The following HS3ST5 variants were observed in gnomAD, a reference collection of about 807,000 sequenced individuals.
The protein encoded by HS3ST5 is heparan sulfate-glucosamine 3-sulfotransferase 5.
A neutral mutation model predicts 25.4 loss-of-function variants in HS3ST5; 10 were observed. That is an observed-to-expected ratio of 0.39 (90% CI 0.24 to 0.67). HS3ST5 has a LOEUF of 0.67. HS3ST5 is among the 30% of genes least tolerant of loss of function. The pLI is 0.44. For missense variants in HS3ST5, 324 were observed against 420.7 expected, an observed-to-expected ratio of 0.77 and a Z score of 2.01; for synonymous variants, 170 against 162.4, an observed-to-expected ratio of 1.05 and a Z score of -0.36.
At chr6:114,281,093 A>G (rs553588120) in intron 1 of HS3ST5, among the ~76,000 whole-genome samples, 1 of 152,140 alleles carries the variant, frequency 6.6e-6, no homozygotes, top group Admixed American at 6.6e-5. Flanking sequence ...AATTCAGAAT[A>G]AGAAGATATA....
chr6:114,127,851 T>TAGAG (rs1181762566), intron 3 of HS3ST5, among the ~76,000 whole-genome samples: 6 of 148,940 alleles, frequency 4.0e-5, no homozygotes, highest in African/African-American at 9.9e-5. Flanking sequence ...TATATATATA[T>TAGAG]ATATAGAGAG....
At chr6:114,288,138 T>C (rs1774417544) in intron 1 of HS3ST5, among the ~76,000 whole-genome samples, 1 of 152,104 alleles carries the variant, frequency 6.6e-6, no homozygotes, top group Non-Finnish European at 1.5e-5. Context: ...ATTAATCCAT[T>C]AGGACTATGC....
At chr6:114,062,048 A>G (rs1000958150) in intron 4 of HS3ST5, among the ~76,000 whole-genome samples, 1 of 152,158 alleles carries the variant, frequency 6.6e-6, no homozygotes, top group African/African-American at 2.4e-5. Context: ...CACACCAGAA[A>G]CATTTACTGT....
At position 114,063,816 on chromosome 6, in the gene HS3ST5, T is replaced by G. The variant is rs567198458; in HGVS notation, c.-32-939A>C. On this transcript the variant is annotated intron_variant, in intron 3 of 4. Transcript: ENST00000312719. Reference sequence around the variant, plus strand: ...TCCCTCCATGTCCTCTGCTCAGTCCTGGGTTCTGAAACATGTTCGGACTAG... The same window carrying G: ...TCCCTCCATGTCCTCTGCTCAGTCCGGGGTTCTGAAACATGTTCGGACTAG... Among the ~76,000 whole-genome samples, 6 of 152,308 alleles carry G rather than the reference T, an allele frequency of 3.9e-5. No homozygotes were observed. The East Asian group carries it at 1.2e-3, about 29-fold the overall frequency.
chr6:114,074,378 C>G (rs1047545569), intron 3 of HS3ST5, among the ~76,000 whole-genome samples: 1 of 152,074 alleles, frequency 6.6e-6, no homozygotes, highest in Non-Finnish European at 1.5e-5. Context: ...ACCCCACTCC[C>G]CAAGAGCTAG....
At chr6:114,268,657 C>A (rs1773512262) in intron 1 of HS3ST5, among the ~76,000 whole-genome samples, 1 of 152,180 alleles carries the variant, frequency 6.6e-6, no homozygotes, top group Non-Finnish European at 1.5e-5. Context: ...CTCGTCATTT[C>A]TTTGTATAAC....
At chr6:114,213,690 T>C in intron 2 of HS3ST5, among the ~76,000 whole-genome samples, 1 of 152,036 alleles carries the variant, frequency 6.6e-6, no homozygotes, top group East Asian at 1.9e-4. Context: ...TCATCCATAG[T>C]CTCCTAGAGG....
intron 2 of HS3ST5, among the ~76,000 whole-genome samples, chr6:114,198,669 T>A (rs1441615979): frequency 6.6e-6 from 1 of 152,216 alleles, no homozygotes; most frequent in Non-Finnish European, 1.5e-5. Context: ...AATGTACAAT[T>A]AAATAAACTA....
chr6:114,149,642 A>G (rs1778356751), intron 3 of HS3ST5, among the ~76,000 whole-genome samples: 1 of 152,072 alleles, frequency 6.6e-6, no homozygotes, highest in African/African-American at 2.4e-5. Context: ...TGGGGCTTAA[A>G]ACTTAGATGG....
At chr6:114,335,147 C>A (rs1776557319) in intron 1 of HS3ST5, among the ~76,000 whole-genome samples, 2 of 152,142 alleles carry the variant, frequency 1.3e-5, no homozygotes, top group African/African-American at 4.8e-5. Context: ...ATGGCTCCAC[C>A]CCTTTAGCTC....
chr6:114,139,935 A>G (rs1289741068), intron 3 of HS3ST5, among the ~76,000 whole-genome samples: 1 of 152,384 alleles, frequency 6.6e-6, no homozygotes, highest in South Asian at 2.1e-4. Context: ...GGTATCAGAC[A>G]TGTAAACATT....
chr6:114,236,153 A>G (rs1197083626), intron 1 of HS3ST5, among the ~76,000 whole-genome samples: 2 of 151,976 alleles, frequency 1.3e-5, no homozygotes, highest in Non-Finnish European at 2.9e-5. Flanking sequence ...GATCTTCCTC[A>G]CTCTGTGGTC....
At chr6:114,178,991 A>C (rs1194467215) in intron 2 of HS3ST5, 1 of 152,210 alleles carries the variant, frequency 6.6e-6, no homozygotes, top group African/African-American at 2.4e-5. Context: ...GCTATTTGAC[A>C]GCATACATTT....
intron 1 of HS3ST5, among the ~76,000 whole-genome samples, chr6:114,320,671 G>A (rs1775929016): frequency 6.6e-6 from 1 of 151,914 alleles, no homozygotes; most frequent in African/African-American, 2.4e-5. Flanking sequence ...GGAAGCTCTG[G>A]CCAGGTAGAG....
chr6:114,272,432 A>T (rs1013861313), intron 1 of HS3ST5, among the ~76,000 whole-genome samples: 3 of 152,152 alleles, frequency 2.0e-5, no homozygotes, highest in African/African-American at 7.2e-5. Flanking sequence ...GAATCTTGAC[A>T]CACATGTTTT....
At chr6:114,060,012 C>A (rs1200115284) in intron 4 of HS3ST5, among the ~76,000 whole-genome samples, 1 of 141,362 alleles carries the variant, frequency 7.1e-6, no homozygotes, top group East Asian at 1.9e-4. Context: ...ATATAGACAA[C>A]TTTTTTTTCT....
At chr6:114,313,843 T>C (rs921032089) in intron 1 of HS3ST5, among the ~76,000 whole-genome samples, 2 of 152,186 alleles carry the variant, frequency 1.3e-5, no homozygotes, top group Non-Finnish European at 2.9e-5. Flanking sequence ...TGCTTGGATA[T>C]GAGAATTAGA....
chr6:114,332,911 G>A (rs1206213252), intron 1 of HS3ST5, among the ~76,000 whole-genome samples: 1 of 152,098 alleles, frequency 6.6e-6, no homozygotes, highest in African/African-American at 2.4e-5. Context: ...TCACCCAATT[G>A]TAAGGACCTT....
intron 2 of HS3ST5, among the ~76,000 whole-genome samples, chr6:114,182,555 G>A (rs1326998482): frequency 2.0e-5 from 3 of 152,138 alleles, no homozygotes; most frequent in Non-Finnish European, 4.4e-5. Context: ...GAAGATTAGA[G>A]CACTGAAGAC....
Sources: gnomAD v4.1 joint callset for allele counts (sites outside exome capture counted in the v4.1 genomes callset) on GRCh38, gnomAD v4.1.1 for gene constraint, MANE v1.5 for transcripts, NCBI Gene and HGNC (gene_info 2026-07-23, HGNC 2026-07-21) for gene names.